The following DTD1 variants were observed in gnomAD, a reference collection of about 807,000 sequenced individuals.
DTD1 encodes D-tyrosyl-tRNA deacylase 1 homolog.
DTD1 carries 13 observed loss-of-function variants against 25.6 expected under a neutral mutation model. That is an observed-to-expected ratio of 0.51 (90% confidence interval 0.33 to 0.81). The LOEUF (loss-of-function observed/expected upper bound fraction) is 0.81. DTD1 is among the 30% of genes least tolerant of loss of function. The probability of loss-of-function intolerance (pLI) is 0.02; values close to 1 mark genes in which losing one functional copy is unlikely to be tolerated. For missense variants in DTD1, 193 were observed against 266.4 expected (o/e 0.72, Z 1.92); for synonymous variants, 110 against 103.6 (o/e 1.06, Z -0.37).
chr20:18,608,924 A>G (rs1801339441), intron 3 of DTD1, among the ~76,000 whole-genome samples: 1 of 152,184 alleles, frequency 6.6e-6, no homozygotes, highest in African/African-American at 2.4e-5. Flanking sequence ...ATTGCACTAA[A>G]TATCATCATA....
At chr20:18,620,349 A>G (rs992360791) in intron 3 of DTD1, among the ~76,000 whole-genome samples, 1 of 152,078 alleles carries the variant, frequency 6.6e-6, no homozygotes, top group African/African-American at 2.4e-5. Context: ...GAGACCCCCA[A>G]ACTCAATGGG....
At chr20:18,684,377 C>T (rs1391318771) in intron 4 of DTD1, among the ~76,000 whole-genome samples, 1 of 152,122 alleles carries the variant, frequency 6.6e-6, no homozygotes, top group Non-Finnish European at 1.5e-5. Context: ...ACCTCAGCCT[C>T]CTGGGTTCAA....
chr20:18,613,013 C>T (rs1490369001), intron 3 of DTD1, among the ~76,000 whole-genome samples: 1 of 152,242 alleles, frequency 6.6e-6, no homozygotes, highest in East Asian at 1.9e-4. Flanking sequence ...CCTGCCTTCT[C>T]CGTCATGATC....
rs184474566 is a variant in DTD1, at chr20:18,612,096, G to A, written c.370+15855G>A. Among the ~76,000 whole-genome samples the A allele has an allele frequency of 2.4e-3, 351 of 146,564 alleles. 1 individual carries two copies. The highest frequency in any genetic ancestry group is 8.5e-3 in the African/African-American group (337 of 39,484). ...GTCGCCCAGGCTGGAGTGCAGTGGC[G>A]GGATCTCGGCTCACTGCAAGCTCCG... On this transcript the variant is annotated intron_variant, in intron 3 of 5. Coordinates refer to ENST00000377452, the MANE Select transcript of DTD1 (RefSeq NM_080820.6).
At chr20:18,751,851 T>G (rs6045580) in intron 5 of DTD1, among the ~76,000 whole-genome samples, 29,293 of 150,182 alleles carry the variant, frequency 0.2, 3,176 homozygotes, top group African/African-American at 0.27. Flanking sequence ...GTTTTTTTTT[T>G]TTGTTGTTGT....
At chr20:18,728,885 A>C (rs976922359) in intron 4 of DTD1, among the ~76,000 whole-genome samples, 1 of 152,158 alleles carries the variant, frequency 6.6e-6, no homozygotes, top group Non-Finnish European at 1.5e-5. Context: ...TTGTTAGCAC[A>C]CTTCCTCCCA....
intron 4 of DTD1, among the ~76,000 whole-genome samples, chr20:18,722,637 C>G (rs1456417909): frequency 2.0e-5 from 3 of 152,154 alleles, no homozygotes; most frequent in Non-Finnish European, 4.4e-5. Flanking sequence ...AACTATCCAG[C>G]TGTATTATTG....
At position 18,744,278 on chromosome 20, in the gene DTD1, GT is replaced by G; in HGVS notation, c.*19+10del. On this transcript the variant is annotated splice_region_variant and intron_variant, in intron 5 of 5. Coordinates refer to ENST00000377452, the MANE Select transcript of DTD1 (RefSeq NM_080820.6). ...CTCAGGAGGCAGAATTCAGGTAGGA[GT>G]TTCCCTGCTTGGCTTCATCTTCCCA... 3 of 1,609,396 alleles carry G rather than the reference GT, an allele frequency of 1.9e-6. No homozygotes were observed. Among genetic ancestry groups the G allele is most frequent in the Non-Finnish European group, 2.5e-6 (3 of 1,179,046 alleles).
intron 4 of DTD1, among the ~76,000 whole-genome samples, chr20:18,703,493 C>G (rs2061113511): frequency 1.3e-5 from 2 of 151,982 alleles, no homozygotes; most frequent in Admixed American, 1.3e-4. Flanking sequence ...TTTCTCTTCT[C>G]TCTTTCTGGA....
chr20:18,705,818 T>C (rs1467026175), intron 4 of DTD1, among the ~76,000 whole-genome samples: 2 of 152,236 alleles, frequency 1.3e-5, no homozygotes, highest in African/African-American at 4.8e-5. Flanking sequence ...AATGGAAGAC[T>C]TTGCTCTTGT....
chr20:18,643,900 G>C (rs1187038875), intron 4 of DTD1, among the ~76,000 whole-genome samples: 1 of 152,080 alleles, frequency 6.6e-6, no homozygotes, highest in Non-Finnish European at 1.5e-5. Flanking sequence ...ATGTGCACAG[G>C]TGCTTGAAAG....
chr20:18,762,910 A>G (rs1402311357), intron 5 of DTD1, among the ~76,000 whole-genome samples: 3 of 152,118 alleles, frequency 2.0e-5, no homozygotes, highest in African/African-American at 4.8e-5. Context: ...TTCTTAAGGT[A>G]GAAACCCAGA....
At chr20:18,622,960 A>T in intron 3 of DTD1, among the ~76,000 whole-genome samples, 1 of 43,508 alleles carries the variant, frequency 2.3e-5, no homozygotes, top group Non-Finnish European at 6.1e-5. Context: ...TTTTTGTCTG[A>T]GATGGAGTCT....
At chr20:18,592,978 G>A (rs1023040256) in intron 1 of DTD1, among the ~76,000 whole-genome samples, 10 of 152,114 alleles carry the variant, frequency 6.6e-5, no homozygotes, top group African/African-American at 1.7e-4. Flanking sequence ...CACCATGCCC[G>A]GCCCATAATG....
Position 18,688,356 on chromosome 20 carries a change from C to A in DTD1, c.478-55744C>A, listed in dbSNP as rs566161508. Among the ~76,000 whole-genome samples the A allele has an allele frequency of 2.6e-5, 4 of 152,220 alleles. No individual in the cohort carries two copies. The South Asian group carries it at 8.3e-4, about 32-fold the overall frequency. Reference sequence around the variant, plus strand: ...TTCTACAAATAAGTATTAATTATAACCTGTGATAAGTGCCATGAAATGTAA... The same window carrying A: ...TTCTACAAATAAGTATTAATTATAAACTGTGATAAGTGCCATGAAATGTAA... On this transcript the variant is annotated intron_variant, in intron 4 of 5. Coordinates refer to ENST00000377452, the MANE Select transcript of DTD1 (RefSeq NM_080820.6).
intron 4 of DTD1, among the ~76,000 whole-genome samples, chr20:18,726,390 A>G (rs1361156204): frequency 6.6e-6 from 1 of 152,178 alleles, no homozygotes; most frequent in Non-Finnish European, 1.5e-5. Context: ...AATTCTCATC[A>G]TGAAAATTGC....
chr20:18,708,665 T>G (rs1020424995), intron 4 of DTD1, among the ~76,000 whole-genome samples: 4 of 151,956 alleles, frequency 2.6e-5, no homozygotes, highest in Admixed American at 6.6e-5. Context: ...CACGAACTGC[T>G]GTAAACATTT....
chr20:18,715,398 C>T (rs2061175994), intron 4 of DTD1, among the ~76,000 whole-genome samples: 1 of 152,124 alleles, frequency 6.6e-6, no homozygotes. Flanking sequence ...TGGATTGTGG[C>T]CCTTTGAAGG....
chr20:18,753,577 C>T, intron 5 of DTD1, among the ~76,000 whole-genome samples: 1 of 106,514 alleles, frequency 9.4e-6, no homozygotes, highest in Non-Finnish European at 1.8e-5. Context: ...CACTGCACTC[C>T]AGCCTGGGCA....
Sources: allele counts gnomAD v4.1 joint callset (sites outside exome capture counted in the v4.1 genomes callset), GRCh38; gene constraint gnomAD v4.1.1; transcripts MANE v1.5; gene names NCBI Gene and HGNC (gene_info 2026-07-23, HGNC 2026-07-21).